The following ASCC3 variants were observed in gnomAD, a reference collection of about 807,000 sequenced individuals.
ASCC3 encodes the protein activating signal cointegrator 1 complex subunit 3.
Under a neutral mutation model 256.3 loss-of-function variants are expected in ASCC3, and 158 were observed. The ratio of observed to expected loss-of-function variants is 0.62; its 90% CI spans 0.54 to 0.70. The LOEUF (loss-of-function observed/expected upper bound fraction) is 0.70, where lower values mean the gene tolerates loss of function less well. ASCC3 is among the 30% of genes least tolerant of loss of function. The probability of loss-of-function intolerance (pLI) is 0.00; values close to 1 mark genes in which losing one functional copy is unlikely to be tolerated. For missense variants in ASCC3, 2,259 were observed against 2,626.0 expected (o/e 0.86, Z 3.05); for synonymous variants, 948 against 883.4 (o/e 1.07, Z -1.30).
At chr6:100,638,926 A>T in intron 24 of ASCC3, 105 bp from the exon 25 acceptor site, 2 of 1,003,926 alleles carry the variant, frequency 2.0e-6, no homozygotes, top group South Asian at 2.7e-5. Flanking sequence ...TTCCTTAGAC[A>T]AGGAGAAAAA....
At chr6:100,631,266 T>C in intron 25 of ASCC3, 53 bp from the exon 26 acceptor site, 1 of 1,427,532 alleles carries the variant, frequency 7.0e-7, no homozygotes, top group Non-Finnish European at 9.9e-7. Flanking sequence ...TGATAGCATT[T>C]TGAAATAAAA....
chr6:100,625,158 G>A lies in ASCC3; in HGVS notation c.4785+34C>T, dbSNP rs376270869. On this transcript the variant is annotated intron_variant, in intron 30 of 41. Coordinates refer to ENST00000369162, the MANE Select transcript of ASCC3 (RefSeq NM_006828.4). ...ATTCTAATATAATACAACCTGAAACGTGTAAGTAGTAGAAGATAAAATATG... is the reference window on the plus strand; with the variant it reads ...ATTCTAATATAATACAACCTGAAACATGTAAGTAGTAGAAGATAAAATATG... The A allele has an allele frequency of 2.6e-4, 416 of 1,608,372 alleles. 1 individual carries two copies. Among genetic ancestry groups the A allele is most frequent in the Non-Finnish European group, 3.4e-4 (401 of 1,175,802 alleles).
chr6:100,552,271 T>C (rs931857649), intron 36 of ASCC3, among the ~76,000 whole-genome samples: 3 of 151,970 alleles, frequency 2.0e-5, no homozygotes, highest in Non-Finnish European at 4.4e-5. Flanking sequence ...TTTATAATTA[T>C]GTAAGTGTCC....
intron 10 of ASCC3, among the ~76,000 whole-genome samples, chr6:100,751,536 T>C (rs1349443849): frequency 6.6e-6 from 1 of 151,914 alleles, no homozygotes; most frequent in African/African-American, 2.4e-5. Flanking sequence ...CACGTTACCA[T>C]GCAGGTCCAT....
At chr6:100,616,241 G>C (rs1407750565) in intron 30 of ASCC3, among the ~76,000 whole-genome samples, 8 of 152,050 alleles carry the variant, frequency 5.3e-5, no homozygotes, top group Non-Finnish European at 8.8e-5. Flanking sequence ...ATCTCTGTAG[G>C]TCTACTAATA....
chr6:100,652,861 T>C lies in ASCC3; in HGVS notation c.2852A>G (p.Glu951Gly). ...QIDPTLRKHR[E>G]QLVIEVGRKL... Reference sequence around the variant, plus strand: ...TCGTCCAACTTCAATGACCAACTGTTCTCGATGCTTTCTTAATGTTGGGTC... The same window carrying C: ...TCGTCCAACTTCAATGACCAACTGTCCTCGATGCTTTCTTAATGTTGGGTC... The change falls in exon 18 of 42, where the codon GAA becomes GGA. Residue 951 changes from glutamate (E) to glycine (G), a missense_variant. Around this residue, in one of 2 missense-constraint regions of ASCC3, gnomAD observed 1,839 missense variants for 2,206.7 expected, o/e 0.83. Coordinates refer to ENST00000369162, the MANE Select transcript of ASCC3 (RefSeq NM_006828.4). 6.2e-7 allele frequency: 1 copy of C among 1,613,922 alleles called. No individual in the cohort carries two copies. The highest frequency in any genetic ancestry group is 8.5e-7 in the Non-Finnish European group (1 of 1,179,924).
chr6:100,790,433 T>A (rs1310173040), intron 8 of ASCC3, among the ~76,000 whole-genome samples: 1 of 151,894 alleles, frequency 6.6e-6, no homozygotes, highest in African/African-American at 2.4e-5. Context: ...CTCAAGAAAT[T>A]ATTACTGATG....
At chr6:100,682,302 A>G (rs992554188) in intron 13 of ASCC3, among the ~76,000 whole-genome samples, 1 of 152,200 alleles carries the variant, frequency 6.6e-6, no homozygotes, top group African/African-American at 2.4e-5. Flanking sequence ...AACGAGAGAC[A>G]ACGCCCCTGC....
At chr6:100,558,427 A>G (rs1769737442) in intron 36 of ASCC3, among the ~76,000 whole-genome samples, 1 of 152,174 alleles carries the variant, frequency 6.6e-6, no homozygotes, top group Non-Finnish European at 1.5e-5. Context: ...GGATTGATTC[A>G]ATAAGTGATT....
At chr6:100,576,982 A>C (rs1344436926) in intron 36 of ASCC3, among the ~76,000 whole-genome samples, 1 of 151,808 alleles carries the variant, frequency 6.6e-6, no homozygotes. Context: ...ATGGAATAAT[A>C]ATCAACAGGA....
At chr6:100,643,031 C>T (rs534793906) in intron 23 of ASCC3, among the ~76,000 whole-genome samples, 1 of 152,254 alleles carries the variant, frequency 6.6e-6, no homozygotes, top group South Asian at 2.1e-4. Flanking sequence ...ATTTCCCAAA[C>T]ATCATTCATT....
intron 3 of ASCC3, chr6:100,858,507 G>T: frequency 1.1e-6 from 1 of 888,068 alleles, no homozygotes; most frequent in Non-Finnish European, 1.3e-6. Flanking sequence ...AGTTTGCTGA[G>T]ATTTTTTATC....
intron 36 of ASCC3, among the ~76,000 whole-genome samples, chr6:100,567,399 A>G (rs1770323376): frequency 6.6e-6 from 1 of 152,154 alleles, no homozygotes; most frequent in Non-Finnish European, 1.5e-5. Flanking sequence ...ATTTCATTGC[A>G]TAGATGTACC....
intron 36 of ASCC3, among the ~76,000 whole-genome samples, chr6:100,556,548 G>C (rs540819142): frequency 1.3e-5 from 2 of 152,284 alleles, no homozygotes; most frequent in Non-Finnish European, 2.9e-5. Context: ...GAAAGGGGAA[G>C]AAGTAATTTA....
At chr6:100,726,494 T>C (rs1436876257) in intron 10 of ASCC3, among the ~76,000 whole-genome samples, 1 of 151,964 alleles carries the variant, frequency 6.6e-6, no homozygotes, top group Admixed American at 6.6e-5. Flanking sequence ...ATCCCTAATT[T>C]GAAAATCCAA....
chr6:100,769,247 G>A (rs11155653), intron 8 of ASCC3, among the ~76,000 whole-genome samples: 63,269 of 151,782 alleles, frequency 0.42, 13,776 homozygotes, highest in South Asian at 0.6. Flanking sequence ...ATGGGGAAAG[G>A]TTGGTCAATG....
At chr6:100,707,659 G>A (rs1778667210) in intron 13 of ASCC3, among the ~76,000 whole-genome samples, 1 of 152,106 alleles carries the variant, frequency 6.6e-6, no homozygotes, top group Non-Finnish European at 1.5e-5. Flanking sequence ...GGCAGCTACT[G>A]CTAAGAGAGT....
chr6:100,708,199 T>G, intron 13 of ASCC3, among the ~76,000 whole-genome samples: 1 of 152,166 alleles, frequency 6.6e-6, no homozygotes, highest in East Asian at 1.9e-4. Flanking sequence ...CATTAGTTTT[T>G]TAAAGTGTAT....
chr6:100,540,051 C>T, intron 37 of ASCC3, 112 bp downstream of exon 37: 1 of 945,436 alleles, frequency 1.1e-6, no homozygotes, highest in Non-Finnish European at 1.7e-6. Context: ...TGTTTCTCAA[C>T]AATGCTACCA....
Sources: allele counts gnomAD v4.1 joint callset (sites outside exome capture counted in the v4.1 genomes callset), GRCh38; gene constraint gnomAD v4.1.1; regional missense constraint gnomAD v4.1.1; transcripts MANE v1.5; gene names NCBI Gene and HGNC (gene_info 2026-07-23, HGNC 2026-07-21).